Variants in ROBO2 observed in about 807,000 individuals in gnomAD.
The protein encoded by ROBO2 is roundabout homolog 2.
A neutral mutation model predicts 160.8 loss-of-function variants in ROBO2; 53 were observed. That is an observed-to-expected ratio of 0.33 (90% CI 0.26 to 0.41). The LOEUF (loss-of-function observed/expected upper bound fraction) is 0.41, where lower values mean the gene tolerates loss of function less well. ROBO2 is among the 10% of genes least tolerant of loss of function. The pLI is 1.00. For synonymous variants in ROBO2, 664 were observed against 611.7 expected, an observed-to-expected ratio of 1.09 and a Z score of -1.26; for missense variants, 1,577 against 1,722.4, an observed-to-expected ratio of 0.92 and a Z score of 1.49.
intron 7 of ROBO2, among the ~76,000 whole-genome samples, chr3:77,547,963 A>G (rs2092764979): frequency 2.0e-5 from 3 of 151,728 alleles, no homozygotes; most frequent in Admixed American, 2.0e-4. Flanking sequence ...ACACACTTAG[A>G]CACACACACA....
chr3:75,971,891 C>T (rs1286840899), intron 2 of ROBO2, among the ~76,000 whole-genome samples: 1 of 151,434 alleles, frequency 6.6e-6, no homozygotes, highest in Non-Finnish European at 1.5e-5. Context: ...ATCAGAGTTC[C>T]ACCTATCCAA....
intron 2 of ROBO2, among the ~76,000 whole-genome samples, chr3:77,323,232 C>T (rs1435705493): frequency 2.6e-5 from 4 of 151,292 alleles, no homozygotes; most frequent in African/African-American, 9.7e-5. Flanking sequence ...TTCCCTCCTA[C>T]CTTTACATAC....
intron 2 of ROBO2, among the ~76,000 whole-genome samples, chr3:77,174,070 G>A (rs2079898969): frequency 6.6e-6 from 1 of 152,024 alleles, no homozygotes; most frequent in African/African-American, 2.4e-5. Context: ...TGCTTTCCTA[G>A]TTCTTCATTT....
At chr3:76,618,563 T>C (rs1218012844) in intron 2 of ROBO2, among the ~76,000 whole-genome samples, 3 of 151,564 alleles carry the variant, frequency 2.0e-5, no homozygotes, top group Non-Finnish European at 2.9e-5. Context: ...TTAAACACTT[T>C]TGTCTGTGAC....
intron 2 of ROBO2, among the ~76,000 whole-genome samples, chr3:76,722,470 T>G (rs1289323456): frequency 6.6e-6 from 1 of 152,152 alleles, no homozygotes; most frequent in Non-Finnish European, 1.5e-5. Flanking sequence ...TTACCTACCA[T>G]AAAGTCCACC....
At chr3:76,002,943 A>G (rs960130400) in intron 2 of ROBO2, among the ~76,000 whole-genome samples, 4 of 152,170 alleles carry the variant, frequency 2.6e-5, no homozygotes, top group Admixed American at 6.5e-5. Flanking sequence ...CCAGGAAACT[A>G]CTACAGATAC....
chr3:75,958,186 C>G (rs964890292), intron 2 of ROBO2, among the ~76,000 whole-genome samples: 1 of 151,694 alleles, frequency 6.6e-6, no homozygotes, highest in Non-Finnish European at 1.5e-5. Flanking sequence ...TGCTATAAAC[C>G]TAATGAGTTG....
intron 2 of ROBO2, among the ~76,000 whole-genome samples, chr3:76,808,179 G>T (rs2064883174): frequency 6.6e-6 from 1 of 151,998 alleles, no homozygotes; most frequent in African/African-American, 2.4e-5. Flanking sequence ...TTCTATCCAA[G>T]GATATTTGTT....
intron 16 of ROBO2, among the ~76,000 whole-genome samples, chr3:77,583,281 A>G (rs2093967064): frequency 2.0e-5 from 3 of 151,936 alleles, no homozygotes; most frequent in Admixed American, 1.3e-4. Flanking sequence ...ATCATATTTT[A>G]AAGTTATCTG....
In ROBO2 at chr3:77,230,849, CTT is replaced by C. The variant is rs1335408710; in HGVS notation, c.388+132512_388+132513del. ...TAGACTTTTTTAATGCAAAATTACT[CTT>C]TTGCGATCTTTTTATGAAAATAATT... On this transcript the variant is annotated intron_variant, in intron 2 of 25. Coordinates refer to ENST00000461745, the Ensembl canonical transcript of ROBO2. Among the ~76,000 whole-genome samples, 8 of 152,254 alleles carry C rather than the reference CTT, an allele frequency of 5.3e-5. No individual in the cohort carries two copies. In the South Asian group the frequency reaches 1.4e-3, roughly 28 times the overall value.
chr3:76,808,999 C>T (rs190593143), intron 2 of ROBO2, among the ~76,000 whole-genome samples: 6 of 152,152 alleles, frequency 3.9e-5, no homozygotes, highest in East Asian at 1.9e-4. Flanking sequence ...AGATCGTCTA[C>T]GCATCAGAAT....
At chr3:76,932,987 A>G (rs2077451421) in intron 2 of ROBO2, among the ~76,000 whole-genome samples, 1 of 152,164 alleles carries the variant, frequency 6.6e-6, no homozygotes, top group Admixed American at 6.6e-5. Flanking sequence ...GTTTCAAGGA[A>G]CACTTTGCTT....
intron 2 of ROBO2, among the ~76,000 whole-genome samples, chr3:76,998,662 T>C (rs2061166360): frequency 6.6e-6 from 1 of 152,138 alleles, no homozygotes; most frequent in African/African-American, 2.4e-5. Context: ...TACAGGTAAT[T>C]GAGTACAAAA....
intron 1 of ROBO2, among the ~76,000 whole-genome samples, chr3:77,053,770 G>A (rs190560906): frequency 6.6e-6 from 1 of 152,154 alleles, no homozygotes; most frequent in Non-Finnish European, 1.5e-5. Context: ...GTATATAAAT[G>A]TAAACTAATT....
chr3:77,424,431 C>T (rs1243338658), intron 2 of ROBO2, among the ~76,000 whole-genome samples: 1 of 152,064 alleles, frequency 6.6e-6, no homozygotes, highest in Middle Eastern at 3.2e-3. Context: ...TACTTGTTGG[C>T]TTTCTTATTT....
chr3:76,288,073 A>T (rs1190445392), intron 2 of ROBO2, among the ~76,000 whole-genome samples: 1 of 105,778 alleles, frequency 9.5e-6, no homozygotes, highest in Non-Finnish European at 1.7e-5. Context: ...CTAAGTATAA[A>T]AAAGTGTCTT....
At chr3:76,872,392 A>C (rs2072198744) in intron 2 of ROBO2, among the ~76,000 whole-genome samples, 1 of 150,850 alleles carries the variant, frequency 6.6e-6, no homozygotes, top group Non-Finnish European at 1.5e-5. Flanking sequence ...CTAACACTCA[A>C]ATTTTTTTTG....
chr3:77,311,342 A>G (rs1045260238), intron 2 of ROBO2, among the ~76,000 whole-genome samples: 1 of 152,238 alleles, frequency 6.6e-6, no homozygotes, highest in African/African-American at 2.4e-5. Flanking sequence ...TATGTCTTAT[A>G]CATGATTTGT....
At chr3:76,746,320 A>G (rs191742981) in intron 2 of ROBO2, among the ~76,000 whole-genome samples, 1,656 of 151,962 alleles carry the variant, frequency 0.011, 27 homozygotes, top group African/African-American at 0.037. Flanking sequence ...TTATAGCAGC[A>G]TGATTTATAG....
Sources: gnomAD v4.1 joint callset for allele counts (sites outside exome capture counted in the v4.1 genomes callset) on GRCh38, gnomAD v4.1.1 for gene constraint, MANE v1.5 for transcripts, NCBI Gene and HGNC (gene_info 2026-07-23, HGNC 2026-07-21) for gene names.